Variants in OR8J1 observed in about 807,000 individuals in gnomAD.
OR8J1 encodes the protein olfactory receptor 8J1.
For missense variants in OR8J1, 400 were observed against 373.0 expected (o/e 1.07, Z -0.60); for synonymous variants, 157 against 144.3 (o/e 1.09, Z -0.63).
At chr11:56,355,696 A>T (rs1488258901) in intron 1 of OR8J1, among the ~76,000 whole-genome samples, 1 of 152,192 alleles carries the variant, frequency 6.6e-6, no homozygotes. Context: ...TCCATCTCAA[A>T]AAAACAAACA....
intron 1 of OR8J1, among the ~76,000 whole-genome samples, chr11:56,359,736 A>AT (rs1416389656): frequency 6.6e-6 from 1 of 152,194 alleles, no homozygotes; most frequent in African/African-American, 2.4e-5. Flanking sequence ...TGTATGAGTT[A>AT]AATGTGCATA....
chr11:56,360,566 T>C lies in OR8J1; in HGVS notation c.320T>C (p.Phe107Ser). ...CATQLGGFLF[F>S]IVSEVIMLAL... Reference sequence around the variant, plus strand: ...ACCCAACTGGGAGGGTTCTTGTTCTTTATTGTATCGGAGGTAATCATGCTG... The same window carrying C: ...ACCCAACTGGGAGGGTTCTTGTTCTCTATTGTATCGGAGGTAATCATGCTG... Residue 107 changes from phenylalanine to serine, a missense_variant, in exon 2 of 2, where the codon TTT becomes TCT. Physicochemically the swap from Phe to Ser is radical, Grantham distance 155. Transcript: ENST00000533152. 5 of 1,614,088 alleles carry C rather than the reference T, an allele frequency of 3.1e-6. No individual in the cohort carries two copies. The highest frequency in any genetic ancestry group is 4.2e-6 in the Non-Finnish European group (5 of 1,180,008).
intron 1 of OR8J1, 112 bp from the exon 2 acceptor site, chr11:56,360,110 CTGAGT>C (rs1159191655): frequency 1.7e-6 from 1 of 591,416 alleles, no homozygotes; most frequent in Non-Finnish European, 2.7e-6. Context: ...AGTTTAATAA[CTGAGT>C]TAGAGTAATA....
In OR8J1 at chr11:56,360,470, C is replaced by T. The variant is rs1284101564; in HGVS notation, c.224C>T (p.Thr75Ile). Residue 75 changes from threonine (T) to isoleucine (I), a missense_variant, in exon 2 of 2, where the codon ACT becomes ATT. By Grantham distance (89) the Thr-to-Ile change is moderately conservative. Transcript: ENST00000533152. ...HLALINLGNS[T>I]VIAPKMLINF... Reference sequence around the variant, plus strand: ...GCTCTCATTAATCTTGGTAACTCTACTGTCATTGCCCCTAAAATGCTGATT... The same window carrying T: ...GCTCTCATTAATCTTGGTAACTCTATTGTCATTGCCCCTAAAATGCTGATT... The T allele has an allele frequency of 6.2e-7, 1 of 1,614,170 alleles. No individual in the cohort carries two copies. Among genetic ancestry groups the T allele is most frequent in the African/African-American group, 1.3e-5 (1 of 75,062 alleles).
chr11:56,358,639 A>G (rs1852593058), intron 1 of OR8J1, among the ~76,000 whole-genome samples: 1 of 152,220 alleles, frequency 6.6e-6, no homozygotes, highest in African/African-American at 2.4e-5. Flanking sequence ...ATACCATGTG[A>G]AAATATTCTC....
rs564204640 is a variant in OR8J1, at chr11:56,357,494, C to T, written c.-20-2733C>T. 13 of 857,722 alleles carry T rather than the reference C, an allele frequency of 1.5e-5. No individual in the cohort carries two copies. The East Asian group carries it at 2.7e-4, about 17-fold the overall frequency. 53.1% of individuals were successfully genotyped at this position (857,722 alleles called of 1,614,324 possible). On this transcript the variant is annotated intron_variant, in intron 1 of 1. Transcript: ENST00000533152. Reference sequence around the variant, plus strand: ...ACTGGATGATAGTTCATGTAATAAACAGATATATCATTTGTCAGATTGCTT... The same window carrying T: ...ACTGGATGATAGTTCATGTAATAAATAGATATATCATTTGTCAGATTGCTT...
At chr11:56,358,487 C>G (rs17614652) in intron 1 of OR8J1, among the ~76,000 whole-genome samples, 1 of 152,052 alleles carries the variant, frequency 6.6e-6, no homozygotes, top group Admixed American at 6.6e-5. Context: ...ATTCATTAAA[C>G]ATCTGGTTCT....
chr11:56,357,238 C>T (rs546961820), intron 1 of OR8J1: 4 of 309,092 alleles, frequency 1.3e-5, no homozygotes, highest in Admixed American at 4.6e-5. Context: ...ATGTTTTTCA[C>T]CTATCTTAAA....
chr11:56,357,707 T>C (rs1854989125), intron 1 of OR8J1: 2 of 1,584,960 alleles, frequency 1.3e-6, no homozygotes, highest in Non-Finnish European at 1.7e-6. Context: ...CGACTAGTGA[T>C]GAATACAATG....
chr11:56,360,094 A>G lies in OR8J1; in HGVS notation c.-20-133A>G, dbSNP rs1204497963. The stretch of plus-strand genomic sequence containing the variant: ...ACCAAGTTTACTTATTAGACCTAGA[A>G]GCTTGAGTTTAATAACTGAGTTAGA... On this transcript the variant is annotated intron_variant, in intron 1 of 1. Coordinates refer to ENST00000533152, the MANE Select transcript of OR8J1 (RefSeq NM_001005205.3). 5.6e-6 allele frequency: 3 copies of G among 538,982 alleles called. No individual in the cohort carries two copies. In the East Asian group the frequency reaches 9.4e-5, roughly 17 times the overall value. 33.4% of individuals were successfully genotyped at this position (538,982 alleles called of 1,614,324 possible).
At chr11:56,358,569 A>G (rs1455746980) in intron 1 of OR8J1, among the ~76,000 whole-genome samples, 1 of 152,174 alleles carries the variant, frequency 6.6e-6, no homozygotes, top group East Asian at 1.9e-4. Context: ...ATAAAAGTTG[A>G]AGAAAAAGAA....
chr11:56,357,027 A>G (rs1008070711), intron 1 of OR8J1, among the ~76,000 whole-genome samples: 2 of 152,080 alleles, frequency 1.3e-5, no homozygotes, highest in Admixed American at 6.6e-5. Flanking sequence ...GCTCCTGTCA[A>G]TGTTACCATG....
chr11:56,360,675 G>T lies in OR8J1; in HGVS notation c.429G>T (p.Leu143=). ...TGGTGTCTCGGCGGCTCTGCCTCCT[G>T]CTGGTCTCCCTCACATACCTCTATG... ...MVVVSRRLCL[L]LVSLTYLYGF... Residue 143 remains leucine, a synonymous_variant, in exon 2 of 2, where the codon CTG becomes CTT. Coordinates refer to ENST00000533152, the MANE Select transcript of OR8J1 (RefSeq NM_001005205.3). 1 of 1,611,850 alleles carries T rather than the reference G, an allele frequency of 6.2e-7. No individual in the cohort carries two copies.
chr11:56,357,585 G>T, intron 1 of OR8J1: 3 of 1,097,390 alleles, frequency 2.7e-6, no homozygotes, highest in Non-Finnish European at 4.1e-6. Context: ...AAAATATGGT[G>T]TGAAGGTTGG....
chr11:56,357,610 C>T lies in OR8J1; in HGVS notation c.-20-2617C>T, dbSNP rs1854987286. 6.2e-6 allele frequency: 8 copies of T among 1,286,438 alleles called. No individual in the cohort carries two copies. The South Asian group carries it at 9.4e-5, about 15-fold the overall frequency. 79.7% of individuals were successfully genotyped at this position (1,286,438 alleles called of 1,614,324 possible). A position where few individuals can be genotyped will look rare whatever the true frequency, so the allele number is the denominator to read the frequency against. On this transcript the variant is annotated intron_variant, in intron 1 of 1. Transcript: ENST00000533152. ...GTGAAGGTTGGCCTGACAAATTATGCTGCAGCCTATTGTACTTGCCTGCTG... is the reference window on the plus strand; with the variant it reads ...GTGAAGGTTGGCCTGACAAATTATGTTGCAGCCTATTGTACTTGCCTGCTG...
intron 1 of OR8J1, 21 bp from the exon 2 acceptor site, chr11:56,360,206 C>A: frequency 1.3e-6 from 2 of 1,484,662 alleles, no homozygotes; most frequent in East Asian, 4.5e-5. Context: ...AAGTTTTTAA[C>A]CTCTCTTTTC....
intron 1 of OR8J1, chr11:56,357,950 A>C: frequency 1.2e-6 from 1 of 867,650 alleles, no homozygotes; most frequent in South Asian, 1.4e-5. Context: ...CTTAGTTGCT[A>C]GCGCTACTTA....
At chr11:56,356,150 A>G (rs765368097) in intron 1 of OR8J1, among the ~76,000 whole-genome samples, 13 of 152,202 alleles carry the variant, frequency 8.5e-5, no homozygotes, top group African/African-American at 2.7e-4. Flanking sequence ...CAGTACAACC[A>G]TAAAGAATCA....
Position 56,361,077 on chromosome 11 carries a change from G to T in OR8J1, c.831G>T (p.Val277=). 6.6e-7 allele frequency: 1 copy of T among 1,512,726 alleles called. No individual in the cohort carries two copies. The highest frequency in any genetic ancestry group is 2.3e-5 in the Admixed American group (1 of 42,668). 93.7% of individuals were successfully genotyped at this position (1,512,726 alleles called of 1,614,324 possible). Residue 277 remains valine (V), a synonymous_variant, in exon 2 of 2, where the codon GTG becomes GTT. Coordinates refer to ENST00000533152, the MANE Select transcript of OR8J1 (RefSeq NM_001005205.3). ...SLDTDDKMAS[V]FYTLVIPMLN... is the part of the protein sequence containing the mutation. ...ATACTGATGATAAGATGGCTTCTGT[G>T]TTTTACACGTTGGTAATTCCTATGC...
Sources: gnomAD v4.1 joint callset for allele counts (sites outside exome capture counted in the v4.1 genomes callset) on GRCh38, gnomAD v4.1.1 for gene constraint, MANE v1.5 for transcripts, NCBI Gene and HGNC (gene_info 2026-07-23, HGNC 2026-07-21) for gene names.